IGF2BP3: variants seen among roughly 807,000 people sequenced by gnomAD.
IGF2BP3 encodes insulin-like growth factor 2 mRNA-binding protein 3.
A neutral mutation model predicts 73.8 loss-of-function variants in IGF2BP3; 9 were observed. The ratio of observed to expected loss-of-function variants is 0.12; its 90% CI spans 0.07 to 0.21. IGF2BP3 has a LOEUF of 0.21. Ranked by LOEUF, IGF2BP3 falls within the 10% of genes least tolerant of loss-of-function variation. The pLI, the probability that IGF2BP3 is intolerant of heterozygous loss-of-function variation, is 1.00. For synonymous variants in IGF2BP3, 258 were observed against 256.7 expected, an observed-to-expected ratio of 1.01 and a Z score of -0.05; for missense variants, 542 against 714.0, an observed-to-expected ratio of 0.76 and a Z score of 2.75.
At chr7:23,329,658 T>C (rs1784394915) in intron 10 of IGF2BP3, among the ~76,000 whole-genome samples, 1 of 152,136 alleles carries the variant, frequency 6.6e-6, no homozygotes, top group Admixed American at 6.6e-5. Context: ...TGGAGATGGG[T>C]AAAAAGCATG....
intron 3 of IGF2BP3, among the ~76,000 whole-genome samples, chr7:23,368,369 AAGAAAGAAAG>A (rs1215029786): frequency 6.6e-6 from 1 of 151,828 alleles, no homozygotes; most frequent in African/African-American, 2.4e-5. Flanking sequence ...GAAAGAAAGA[AAGAAAGAAAG>A]AAAGAAAAGA....
chr7:23,374,751 AC>A (rs1195506048), intron 3 of IGF2BP3, among the ~76,000 whole-genome samples: 1 of 151,926 alleles, frequency 6.6e-6, no homozygotes, highest in Admixed American at 6.6e-5. Context: ...GGGGAAATTC[AC>A]CCCCGATATT....
intron 1 of IGF2BP3, among the ~76,000 whole-genome samples, chr7:23,468,878 C>T (rs1461450745): frequency 6.6e-6 from 1 of 152,214 alleles, no homozygotes; most frequent in East Asian, 1.9e-4. Flanking sequence ...GGACACGCTC[C>T]ACAGGGCAGA....
rs541438574 is a variant in IGF2BP3, at chr7:23,429,443, T to G, written c.237-10619A>C. Among the ~76,000 whole-genome samples, 265 of 152,160 alleles carry G rather than the reference T, an allele frequency of 1.7e-3. 1 individual carries two copies. Among genetic ancestry groups the G allele is most frequent in the Non-Finnish European group, 8.4e-4 (57 of 68,018 alleles). On this transcript the variant is annotated intron_variant, in intron 2 of 14. Coordinates refer to ENST00000258729, the MANE Select transcript of IGF2BP3 (RefSeq NM_006547.3). ...TGTGTGGCAGGGTCAGCATATGTATTTGAGCATTCTGGCCACAGATTCTAT... is the reference window on the plus strand; with the variant it reads ...TGTGTGGCAGGGTCAGCATATGTATGTGAGCATTCTGGCCACAGATTCTAT...
intron 10 of IGF2BP3, among the ~76,000 whole-genome samples, chr7:23,320,580 C>T (rs1481649295): frequency 1.4e-5 from 2 of 144,026 alleles, no homozygotes; most frequent in Admixed American, 7.3e-5. Context: ...TTCCAAGACA[C>T]ATATTACAAG....
intron 10 of IGF2BP3, among the ~76,000 whole-genome samples, chr7:23,331,123 G>A (rs1387859547): frequency 6.6e-6 from 1 of 152,110 alleles, no homozygotes; most frequent in Non-Finnish European, 1.5e-5. Context: ...AAAAGTGAAA[G>A]GCATGATTTA....
At chr7:23,445,744 G>GA (rs1284792166) in intron 2 of IGF2BP3, among the ~76,000 whole-genome samples, 1 of 152,018 alleles carries the variant, frequency 6.6e-6, no homozygotes, top group Non-Finnish European at 1.5e-5. Context: ...GACTGGTATG[G>GA]AAAAAATAAC....
intron 2 of IGF2BP3, among the ~76,000 whole-genome samples, chr7:23,432,414 G>A (rs187108190): frequency 7.2e-5 from 11 of 152,184 alleles, no homozygotes; most frequent in East Asian, 5.8e-4. Context: ...AACACTGTTC[G>A]AAAGACAATT....
At chr7:23,451,659 A>G (rs1319994478) in intron 2 of IGF2BP3, among the ~76,000 whole-genome samples, 1 of 152,082 alleles carries the variant, frequency 6.6e-6, no homozygotes, top group African/African-American at 2.4e-5. Context: ...CACAGAATAT[A>G]TCGTTAGGGC....
Position 23,324,984 on chromosome 7 carries a change from T to G in IGF2BP3, c.1204-5730A>C, listed in dbSNP as rs1784255114. Among the ~76,000 whole-genome samples the G allele has an allele frequency of 2.0e-5, 3 of 150,728 alleles. No individual in the cohort carries two copies. In the East Asian group the frequency reaches 5.8e-4, roughly 29 times the overall value. ...AATATCATACTGAATGGGCAAAAAC[T>G]GGAAGCATTCCCTTTGAAAACTGGC... is the stretch of plus-strand genomic sequence containing the variant. On this transcript the variant is annotated intron_variant, in intron 10 of 14. Coordinates refer to ENST00000258729, the MANE Select transcript of IGF2BP3 (RefSeq NM_006547.3).
chr7:23,427,912 C>A (rs1787557629), intron 2 of IGF2BP3, among the ~76,000 whole-genome samples: 1 of 152,100 alleles, frequency 6.6e-6, no homozygotes, highest in African/African-American at 2.4e-5. Context: ...GAGGCTGAGG[C>A]AGAGAATTGC....
intron 3 of IGF2BP3, among the ~76,000 whole-genome samples, chr7:23,395,565 C>G (rs1443461300): frequency 6.6e-6 from 1 of 151,768 alleles, no homozygotes; most frequent in African/African-American, 2.4e-5. Context: ...AATTTGAGAC[C>G]AGCCTGGGCA....
intron 10 of IGF2BP3, among the ~76,000 whole-genome samples, chr7:23,338,531 C>T (rs979254494): frequency 8.5e-5 from 13 of 152,150 alleles, no homozygotes; most frequent in African/African-American, 3.1e-4. Flanking sequence ...TAGCATAAAA[C>T]TCCTGATGAC....
At chr7:23,431,686 G>C (rs1787682362) in intron 2 of IGF2BP3, among the ~76,000 whole-genome samples, 1 of 152,074 alleles carries the variant, frequency 6.6e-6, no homozygotes, top group African/African-American at 2.4e-5. Context: ...ATAAAGAGAT[G>C]TCCTTCAATT....
intron 8 of IGF2BP3, 40 bp from the exon 9 acceptor site, chr7:23,343,893 T>C (rs764228442): frequency 5.6e-6 from 9 of 1,595,296 alleles, no homozygotes; most frequent in East Asian, 2.2e-5. Context: ...AGAATGAAAA[T>C]TGGAGGAAGA....
intron 3 of IGF2BP3, among the ~76,000 whole-genome samples, chr7:23,370,959 G>C (rs545019128): frequency 6.6e-6 from 1 of 152,126 alleles, no homozygotes; most frequent in African/African-American, 2.4e-5. Context: ...GATTACAGGC[G>C]TGAGTCACTG....
chr7:23,354,142 C>T (rs1265139850), intron 5 of IGF2BP3, among the ~76,000 whole-genome samples: 2 of 152,106 alleles, frequency 1.3e-5, no homozygotes, highest in Non-Finnish European at 2.9e-5. Context: ...TACAGGCGCA[C>T]GCCACCACCC....
chr7:23,331,847 G>A (rs550844085), intron 10 of IGF2BP3, among the ~76,000 whole-genome samples: 13 of 143,840 alleles, frequency 9.0e-5, no homozygotes, highest in South Asian at 2.2e-4. Context: ...GTGACAGAGC[G>A]AAACTGTCTC....
chr7:23,463,675 C>T (rs954952554), intron 2 of IGF2BP3, among the ~76,000 whole-genome samples: 1 of 152,188 alleles, frequency 6.6e-6, no homozygotes, highest in Non-Finnish European at 1.5e-5. Flanking sequence ...TTTCCACTGG[C>T]TCCTGGCACA....
Sources: gnomAD v4.1 joint callset for allele counts (sites outside exome capture counted in the v4.1 genomes callset) on GRCh38, gnomAD v4.1.1 for gene constraint, MANE v1.5 for transcripts, NCBI Gene and HGNC (gene_info 2026-07-23, HGNC 2026-07-21) for gene names.